The following ELOVL5 variants were observed in gnomAD, a reference collection of about 807,000 sequenced individuals.
ELOVL5 encodes the protein very long chain fatty acid elongase 5.
ELOVL5 carries 8 observed loss-of-function variants against 38.6 expected under a neutral mutation model. The ratio of observed to expected loss-of-function variants is 0.21; its 90% CI spans 0.12 to 0.37. ELOVL5 has a LOEUF of 0.37. Ranked by LOEUF, ELOVL5 falls within the 10% of genes least tolerant of loss-of-function variation. The probability of loss-of-function intolerance (pLI) is 1.00; values close to 1 mark genes in which losing one functional copy is unlikely to be tolerated. For missense variants in ELOVL5, 280 were observed against 367.8 expected, an observed-to-expected ratio of 0.76 and a Z score of 1.95; for synonymous variants, 127 against 133.7, an observed-to-expected ratio of 0.95 and a Z score of 0.34.
At chr6:53,316,031 C>T (rs976888368) in intron 1 of ELOVL5, among the ~76,000 whole-genome samples, 1 of 152,148 alleles carries the variant, frequency 6.6e-6, no homozygotes, top group Admixed American at 6.5e-5. Context: ...AACATGGGGA[C>T]AATAATGCTT....
At chr6:53,320,578 C>T (rs984968932) in intron 1 of ELOVL5, among the ~76,000 whole-genome samples, 1 of 152,026 alleles carries the variant, frequency 6.6e-6, no homozygotes, top group African/African-American at 2.4e-5. Context: ...CCACCTCGGC[C>T]TCCCAAAGTG....
At chr6:53,329,897 A>G (rs912694367) in intron 1 of ELOVL5, among the ~76,000 whole-genome samples, 4 of 152,214 alleles carry the variant, frequency 2.6e-5, no homozygotes, top group Non-Finnish European at 5.9e-5. Context: ...GTTGTATTAA[A>G]AACTGCACGT....
intron 1 of ELOVL5, among the ~76,000 whole-genome samples, chr6:53,316,161 T>G (rs756758088): frequency 6.6e-6 from 1 of 152,190 alleles, no homozygotes. Context: ...GAAGCACACA[T>G]TCATCAAACA....
intron 1 of ELOVL5, among the ~76,000 whole-genome samples, chr6:53,316,849 C>A (rs1768065513): frequency 6.6e-6 from 1 of 152,062 alleles, no homozygotes; most frequent in African/African-American, 2.4e-5. Context: ...TCACCTAGAC[C>A]TTCACTTTAC....
At chr6:53,342,378 G>A (rs1582004633) in intron 1 of ELOVL5, among the ~76,000 whole-genome samples, 1 of 152,190 alleles carries the variant, frequency 6.6e-6, no homozygotes, top group Non-Finnish European at 1.5e-5. Flanking sequence ...TGTAGCATTT[G>A]CTGTGCCAAG....
intron 6 of ELOVL5, 126 bp from the exon 7 acceptor site, chr6:53,270,853 C>A: frequency 9.7e-7 from 1 of 1,034,466 alleles, no homozygotes; most frequent in Non-Finnish European, 1.4e-6. Flanking sequence ...GCTGCAGGTA[C>A]AGCAGTCACT....
At chr6:53,278,920 T>C (rs982751346) in intron 3 of ELOVL5, among the ~76,000 whole-genome samples, 1 of 152,222 alleles carries the variant, frequency 6.6e-6, no homozygotes, top group African/African-American at 2.4e-5. Context: ...TGTCCAGGTA[T>C]TTAGTCTTCC....
chr6:53,346,378 C>T (rs916155243), intron 1 of ELOVL5, among the ~76,000 whole-genome samples: 6 of 152,144 alleles, frequency 3.9e-5, no homozygotes, highest in Non-Finnish European at 7.3e-5. Flanking sequence ...CATACGTGTG[C>T]ATGTGTCTTC....
intron 1 of ELOVL5, among the ~76,000 whole-genome samples, chr6:53,307,895 G>C (rs929042933): frequency 2.6e-5 from 4 of 152,120 alleles, no homozygotes; most frequent in African/African-American, 9.7e-5. Flanking sequence ...TGAAAAGGGG[G>C]CTGAGTTGCC....
intron 1 of ELOVL5, among the ~76,000 whole-genome samples, chr6:53,331,524 T>G (rs1768801607): frequency 6.6e-6 from 1 of 152,146 alleles, no homozygotes. Flanking sequence ...CCCTAGGACA[T>G]TAAGATGACC....
At chr6:53,339,582 T>A (rs1171515183) in intron 1 of ELOVL5, among the ~76,000 whole-genome samples, 2 of 152,198 alleles carry the variant, frequency 1.3e-5, no homozygotes, top group African/African-American at 4.8e-5. Flanking sequence ...GATACTCCTG[T>A]AACATTATAA....
chr6:53,326,095 G>C (rs966111950), intron 1 of ELOVL5, among the ~76,000 whole-genome samples: 2 of 152,160 alleles, frequency 1.3e-5, no homozygotes. Context: ...ATAGAGGTGT[G>C]AAAGGACACA....
intron 1 of ELOVL5, among the ~76,000 whole-genome samples, chr6:53,347,037 T>G (rs1769576734): frequency 6.6e-6 from 1 of 152,160 alleles, no homozygotes; most frequent in African/African-American, 2.4e-5. Context: ...ACAAGGAAAT[T>G]GAGTCAAGGA....
rs540776642 is a variant in ELOVL5 at position 53,281,153 on chromosome 6, T to C, written c.247-4897A>G. Among the ~76,000 whole-genome samples the C allele has an allele frequency of 3.3e-5, 5 of 152,316 alleles. No homozygotes were observed. In the South Asian group the frequency reaches 1.0e-3, roughly 32 times the overall value. On this transcript the variant is annotated intron_variant, in intron 3 of 7. Coordinates refer to ENST00000304434, the MANE Select transcript of ELOVL5 (RefSeq NM_021814.5). ...AAGATAACCCCTTTCCAAAGAAGAC[T>C]GGCTGCTTCTGGTGATAAGAGCTTG...
chr6:53,347,266 T>C (rs1251737683), intron 1 of ELOVL5, among the ~76,000 whole-genome samples: 1 of 152,130 alleles, frequency 6.6e-6, no homozygotes, highest in Admixed American at 6.5e-5. Flanking sequence ...CAATAAGAAG[T>C]TAGAATCTAG....
chr6:53,299,264 T>C (rs1767148717), intron 1 of ELOVL5, among the ~76,000 whole-genome samples: 1 of 152,202 alleles, frequency 6.6e-6, no homozygotes, highest in East Asian at 1.9e-4. Flanking sequence ...AGGAGGAATA[T>C]GTCTAACAAA....
chr6:53,331,956 G>C (rs191636177), intron 1 of ELOVL5, among the ~76,000 whole-genome samples: 1 of 152,296 alleles, frequency 6.6e-6, no homozygotes, highest in East Asian at 1.9e-4. Flanking sequence ...GGTGAAGGGG[G>C]ACCAAGAGTG....
chr6:53,332,387 G>T (rs1029518345), intron 1 of ELOVL5, among the ~76,000 whole-genome samples: 10 of 152,156 alleles, frequency 6.6e-5, no homozygotes, highest in Non-Finnish European at 1.5e-5. Flanking sequence ...AAATGAGGAC[G>T]CTCCTCATGG....
chr6:53,292,889 T>C (rs1426308271), intron 2 of ELOVL5, among the ~76,000 whole-genome samples: 4 of 152,148 alleles, frequency 2.6e-5, no homozygotes, highest in Admixed American at 6.5e-5. Context: ...TGAGGAGTAG[T>C]AGCATGAGAG....
Sources: gnomAD v4.1 joint callset for allele counts (sites outside exome capture counted in the v4.1 genomes callset) on GRCh38, gnomAD v4.1.1 for gene constraint, MANE v1.5 for transcripts, NCBI Gene and HGNC (gene_info 2026-07-23, HGNC 2026-07-21) for gene names.